GPC5: variants seen among roughly 807,000 people sequenced by gnomAD.
GPC5 encodes the protein glypican 5.
Under a neutral mutation model 53.9 loss-of-function variants are expected in GPC5, and 47 were observed. The ratio of observed to expected loss-of-function variants is 0.87; its 90% CI spans 0.69 to 1.11. GPC5 has a LOEUF of 1.11. Among genes scored for constraint, GPC5 ranks in the 50% most tolerant of loss-of-function variants. The pLI is 0.00. For missense variants in GPC5, 748 were observed against 713.1 expected, an observed-to-expected ratio of 1.05 and a Z score of -0.56; for synonymous variants, 286 against 263.3, an observed-to-expected ratio of 1.09 and a Z score of -0.84.
chr13:91,977,239 G>C (rs1046426377), intron 6 of GPC5, among the ~76,000 whole-genome samples: 1 of 152,068 alleles, frequency 6.6e-6, no homozygotes, highest in African/African-American at 2.4e-5. Context: ...GATTTATTCA[G>C]AATATTCCTA....
At chr13:91,613,874 G>A (rs1193633334) in intron 2 of GPC5, among the ~76,000 whole-genome samples, 1 of 152,158 alleles carries the variant, frequency 6.6e-6, no homozygotes, top group African/African-American at 2.4e-5. Context: ...AGAAGACTGA[G>A]TCCTGATGAC....
chr13:92,254,403 T>G (rs2139132844), intron 7 of GPC5, among the ~76,000 whole-genome samples: 1 of 152,224 alleles, frequency 6.6e-6, no homozygotes, highest in African/African-American at 2.4e-5. Context: ...TTTGTATAGA[T>G]TCACATTAAA....
intron 7 of GPC5, among the ~76,000 whole-genome samples, chr13:92,220,534 G>T (rs1442583730): frequency 2.6e-5 from 4 of 152,176 alleles, no homozygotes; most frequent in Non-Finnish European, 2.9e-5. Context: ...AATTTTCAAA[G>T]TGTATACTAG....
intron 6 of GPC5, among the ~76,000 whole-genome samples, chr13:92,015,463 C>T (rs1057366289): frequency 6.6e-6 from 1 of 152,050 alleles, no homozygotes; most frequent in African/African-American, 2.4e-5. Flanking sequence ...CCCTCTTCTC[C>T]TACAAAAGGA....
chr13:92,756,015 G>C (rs977675072), intron 7 of GPC5, among the ~76,000 whole-genome samples: 5 of 152,038 alleles, frequency 3.3e-5, no homozygotes, highest in African/African-American at 4.8e-5. Context: ...AAGCCTGGCA[G>C]AGACACAACC....
intron 7 of GPC5, among the ~76,000 whole-genome samples, chr13:92,226,800 A>G (rs532952419): frequency 6.7e-6 from 1 of 149,162 alleles, no homozygotes; most frequent in South Asian, 2.1e-4. Context: ...GGTTTTCACT[A>G]TGTTGGCCAG....
chr13:92,394,812 T>C (rs187152118), intron 7 of GPC5, among the ~76,000 whole-genome samples: 3 of 152,312 alleles, frequency 2.0e-5, no homozygotes, highest in Admixed American at 2.0e-4. Flanking sequence ...ATAAAATCCA[T>C]TTAATAAATT....
chr13:91,529,224 C>T (rs906525922), intron 2 of GPC5, among the ~76,000 whole-genome samples: 1 of 152,140 alleles, frequency 6.6e-6, no homozygotes, highest in Non-Finnish European at 1.5e-5. Context: ...CATGCATATC[C>T]TGCCTTCATA....
intron 7 of GPC5, among the ~76,000 whole-genome samples, chr13:92,343,485 C>T (rs2043384398): frequency 1.3e-5 from 2 of 152,112 alleles, no homozygotes; most frequent in South Asian, 4.1e-4. Flanking sequence ...ATTTTTCTTA[C>T]AGCTGCTTAT....
At chr13:91,994,353 A>T (rs7335006) in intron 6 of GPC5, among the ~76,000 whole-genome samples, 2 of 152,152 alleles carry the variant, frequency 1.3e-5, no homozygotes, top group Admixed American at 1.3e-4. Flanking sequence ...CTACAAATAT[A>T]TATGTTGTTG....
At chr13:91,974,146 A>G (rs1487426082) in intron 6 of GPC5, among the ~76,000 whole-genome samples, 1 of 151,990 alleles carries the variant, frequency 6.6e-6, no homozygotes, top group Non-Finnish European at 1.5e-5. Flanking sequence ...TCTATGACAA[A>G]CCCACAGCCA....
intron 5 of GPC5, among the ~76,000 whole-genome samples, chr13:91,804,729 A>G (rs914379788): frequency 6.6e-6 from 1 of 152,222 alleles, no homozygotes; most frequent in Non-Finnish European, 1.5e-5. Context: ...TAAAATAACA[A>G]GGCATTATGC....
intron 7 of GPC5, among the ~76,000 whole-genome samples, chr13:92,443,819 G>A (rs1265908085): frequency 6.6e-6 from 1 of 152,200 alleles, no homozygotes; most frequent in Non-Finnish European, 1.5e-5. Context: ...AAGGAAGGCA[G>A]GGAAGGGATG....
intron 7 of GPC5, among the ~76,000 whole-genome samples, chr13:92,585,875 C>T (rs1224816725): frequency 6.6e-6 from 1 of 152,162 alleles, no homozygotes; most frequent in Non-Finnish European, 1.5e-5. Context: ...TCACATAAGA[C>T]ATGACTTGTT....
In GPC5 at chr13:91,572,045, A is replaced by ATG. The variant is rs1421958906; in HGVS notation, c.326-121142_326-121141insTG. ...TACGTGTGTATATATGTGTATATAC[A>ATG]CACATATGTATATATACATGTATAT... On this transcript the variant is annotated intron_variant, in intron 2 of 7. Transcript: ENST00000377067. Among the ~76,000 whole-genome samples, 11 of 110,738 alleles carry ATG rather than the reference A, an allele frequency of 9.9e-5. 3 individuals are homozygous for ATG. The highest frequency in any genetic ancestry group is 4.8e-4 in the African/African-American group (11 of 22,878). The allele number at this position is 110,738 out of a possible 152,430, so 72.6% of individuals were successfully genotyped here.
At chr13:91,527,861 G>T (rs531921504) in intron 2 of GPC5, among the ~76,000 whole-genome samples, 1 of 152,304 alleles carries the variant, frequency 6.6e-6, no homozygotes, top group East Asian at 1.9e-4. Flanking sequence ...TGAAACAATG[G>T]CCTGAGCCAT....
chr13:91,621,436 G>A (rs2033852246), intron 2 of GPC5, among the ~76,000 whole-genome samples: 1 of 151,920 alleles, frequency 6.6e-6, no homozygotes, highest in South Asian at 2.1e-4. Context: ...CTTTGTTTCG[G>A]TGACAGGTAG....
intron 7 of GPC5, among the ~76,000 whole-genome samples, chr13:92,652,657 A>T (rs1002027511): frequency 3.3e-5 from 5 of 152,156 alleles, no homozygotes; most frequent in African/African-American, 1.2e-4. Flanking sequence ...TAAAATGAGG[A>T]CAGTATCCTT....
chr13:92,385,279 T>C (rs1043193270), intron 7 of GPC5, among the ~76,000 whole-genome samples: 1 of 148,876 alleles, frequency 6.7e-6, no homozygotes, highest in Non-Finnish European at 1.5e-5. Context: ...GTGGACTGTT[T>C]ATGCAGTATA....
Sources: allele counts gnomAD v4.1 joint callset (sites outside exome capture counted in the v4.1 genomes callset), GRCh38; gene constraint gnomAD v4.1.1; transcripts MANE v1.5; gene names NCBI Gene and HGNC (gene_info 2026-07-23, HGNC 2026-07-21).